The following ADCY9 variants were observed in gnomAD, a reference collection of about 807,000 sequenced individuals.
The protein encoded by ADCY9 is adenylate cyclase type 9.
A neutral mutation model predicts 101.5 loss-of-function variants in ADCY9; 50 were observed. The ratio of observed to expected loss-of-function variants is 0.49; its 90% CI spans 0.39 to 0.62. ADCY9 has a LOEUF of 0.62. Ranked by LOEUF, ADCY9 falls within the 20% of genes least tolerant of loss-of-function variation. The probability of loss-of-function intolerance (pLI) is 0.00; values close to 1 mark genes in which losing one functional copy is unlikely to be tolerated. For synonymous variants in ADCY9, 905 were observed against 769.3 expected, an observed-to-expected ratio of 1.18 and a Z score of -2.92; for missense variants, 1,662 against 1,800.4, an observed-to-expected ratio of 0.92 and a Z score of 1.39.
chr16:4,091,143 G>A (rs963411598), intron 2 of ADCY9, among the ~76,000 whole-genome samples: 11 of 152,124 alleles, frequency 7.2e-5, no homozygotes, highest in African/African-American at 2.4e-4. Flanking sequence ...GCATGACCTC[G>A]GCTCACTGCA....
chr16:4,078,493 GTCAAAGC>G (rs1319637023), intron 2 of ADCY9, among the ~76,000 whole-genome samples: 1 of 150,520 alleles, frequency 6.6e-6, no homozygotes, highest in African/African-American at 2.4e-5. Flanking sequence ...AGCCTAGGAG[GTCAAAGC>G]TGCAGTGAGA....
intron 2 of ADCY9, among the ~76,000 whole-genome samples, chr16:4,051,406 C>T (rs562568225): frequency 1.1e-4 from 16 of 151,914 alleles, no homozygotes; most frequent in Non-Finnish European, 1.8e-4. Context: ...CGCCTGTAGT[C>T]CCAGCTACTC....
intron 7 of ADCY9, 51 bp from the exon 8 acceptor site, chr16:3,979,326 T>C (rs762957688): frequency 1.9e-6 from 3 of 1,601,742 alleles, no homozygotes; most frequent in Non-Finnish European, 1.7e-6. Context: ...GGGTGGGTCA[T>C]CGGCCAGGAG....
intron 5 of ADCY9, among the ~76,000 whole-genome samples, chr16:3,991,671 G>C (rs2056244696): frequency 6.7e-6 from 1 of 148,882 alleles, no homozygotes; most frequent in South Asian, 2.2e-4. Context: ...CTAGGCAGGA[G>C]AATTACTTGA....
At chr16:3,978,344 T>C (rs2056110889) in intron 8 of ADCY9, among the ~76,000 whole-genome samples, 1 of 152,144 alleles carries the variant, frequency 6.6e-6, no homozygotes, top group Non-Finnish European at 1.5e-5. Flanking sequence ...GCCCGGAAGC[T>C]CATGCTCACT....
intron 2 of ADCY9, among the ~76,000 whole-genome samples, chr16:4,080,769 A>G (rs1257380758): frequency 6.8e-6 from 1 of 147,918 alleles, no homozygotes; most frequent in Non-Finnish European, 1.5e-5. Flanking sequence ...AACATTCCAC[A>G]TGGCAACCAA....
At chr16:4,105,132 T>C (rs995956704) in intron 2 of ADCY9, among the ~76,000 whole-genome samples, 6 of 151,960 alleles carry the variant, frequency 3.9e-5, no homozygotes, top group African/African-American at 1.5e-4. Flanking sequence ...TTTGCAAAAA[T>C]GTATGGCAGT....
At chr16:4,066,200 C>T (rs1224808498) in intron 2 of ADCY9, among the ~76,000 whole-genome samples, 2 of 152,230 alleles carry the variant, frequency 1.3e-5, no homozygotes, top group African/African-American at 2.4e-5. Flanking sequence ...AAAAACCTTA[C>T]AAAACCATAT....
chr16:4,081,424 T>C (rs1322485251), intron 2 of ADCY9, among the ~76,000 whole-genome samples: 1 of 152,240 alleles, frequency 6.6e-6, no homozygotes, highest in Admixed American at 6.5e-5. Flanking sequence ...AGCTAATGCT[T>C]TGCAGAGCTC....
intron 2 of ADCY9, among the ~76,000 whole-genome samples, chr16:4,046,597 G>A (rs972374413): frequency 5.3e-5 from 8 of 152,160 alleles, no homozygotes; most frequent in Admixed American, 4.6e-4. Flanking sequence ...AAAAAGTACT[G>A]AGGCTGTTTT....
rs542742981 is a variant in ADCY9 at position 3,986,049 on chromosome 16, C to G, written c.2311-2609G>C. Among the ~76,000 whole-genome samples, 7 of 152,380 alleles carry G rather than the reference C, an allele frequency of 4.6e-5. No homozygotes were observed. The East Asian group carries it at 1.4e-3, about 29-fold the overall frequency. ...GGCCAGGCTCCGCCCTGCTCACTACCCACATCCCAGGGCCTCCGGGTGCGG... is the reference window on the plus strand; with the variant it reads ...GGCCAGGCTCCGCCCTGCTCACTACGCACATCCCAGGGCCTCCGGGTGCGG... On this transcript the variant is annotated intron_variant, in intron 6 of 10. Coordinates refer to ENST00000294016, the MANE Select transcript of ADCY9 (RefSeq NM_001116.4).
At chr16:4,003,642 G>A (rs932595508) in intron 3 of ADCY9, among the ~76,000 whole-genome samples, 1 of 145,318 alleles carries the variant, frequency 6.9e-6, no homozygotes, top group East Asian at 2.0e-4. Context: ...ACAGCTCACT[G>A]CAGCCTCTAA....
intron 2 of ADCY9, among the ~76,000 whole-genome samples, chr16:4,080,831 T>G (rs2056897478): frequency 6.6e-6 from 1 of 151,774 alleles, no homozygotes; most frequent in Admixed American, 6.6e-5. Context: ...AACTCCTAAT[T>G]CAAAATTTTG....
intron 10 of ADCY9, among the ~76,000 whole-genome samples, chr16:3,971,891 C>A (rs1215968876): frequency 6.6e-6 from 1 of 152,186 alleles, no homozygotes; most frequent in Non-Finnish European, 1.5e-5. Flanking sequence ...GGAGCCGGAG[C>A]CAGCAGCACA....
intron 2 of ADCY9, among the ~76,000 whole-genome samples, chr16:4,078,565 A>G (rs1465733389): frequency 6.9e-6 from 1 of 143,954 alleles, no homozygotes; most frequent in African/African-American, 2.5e-5. Flanking sequence ...AAAAAAAGAA[A>G]AAAAAAAAAG....
At chr16:4,096,196 A>G (rs2057002957) in intron 2 of ADCY9, among the ~76,000 whole-genome samples, 1 of 152,186 alleles carries the variant, frequency 6.6e-6, no homozygotes, top group Non-Finnish European at 1.5e-5. Context: ...CCTATGCTAA[A>G]TGTGTCTAAA....
chr16:3,956,505 G>C (rs1176672077), intron 5 of ADCY9, among the ~76,000 whole-genome samples: 13 of 5,854 alleles, frequency 2.2e-3, no homozygotes, highest in African/African-American at 6.0e-3. Context: ...TTTTTTTTTG[G>C]GGGGGGATGG....
At chr16:4,069,484 G>A (rs2056820501) in intron 2 of ADCY9, among the ~76,000 whole-genome samples, 1 of 151,736 alleles carries the variant, frequency 6.6e-6, no homozygotes, top group African/African-American at 2.4e-5. Context: ...ACAGAGTGGG[G>A]CTTCAACAAA....
rs369068659 is a variant in ADCY9 at position 4,072,581 on chromosome 16, G to A, written c.1693+41169C>T. Among the ~76,000 whole-genome samples the A allele has an allele frequency of 6.1e-4, 93 of 152,234 alleles. 2 individuals carry two copies. The South Asian group carries it at 0.019, about 31-fold the overall frequency. Reference sequence around the variant, plus strand: ...GAACAGAAGCTTGAGAACAGACATAGCTTCTGTGCATAAGCCCCTATTAAA... The same window carrying A: ...GAACAGAAGCTTGAGAACAGACATAACTTCTGTGCATAAGCCCCTATTAAA... On this transcript the variant is annotated intron_variant, in intron 2 of 10. Coordinates refer to ENST00000294016, the MANE Select transcript of ADCY9 (RefSeq NM_001116.4).
Sources: gnomAD v4.1 joint callset for allele counts (sites outside exome capture counted in the v4.1 genomes callset) on GRCh38, gnomAD v4.1.1 for gene constraint, MANE v1.5 for transcripts, NCBI Gene and HGNC (gene_info 2026-07-23, HGNC 2026-07-21) for gene names.